Variants in MYO1D observed in about 807,000 individuals in gnomAD.
MYO1D encodes the protein unconventional myosin-Id.
Under a neutral mutation model 122.0 loss-of-function variants are expected in MYO1D, and 83 were observed. The observed-to-expected ratio is 0.68, with a 90% CI of 0.57 to 0.82. The LOEUF (loss-of-function observed/expected upper bound fraction) is 0.82, where lower values mean the gene tolerates loss of function less well. Ranked by LOEUF, MYO1D falls within the 40% of genes least tolerant of loss-of-function variation. MYO1D has a pLI of 0.00. For synonymous variants in MYO1D, 464 were observed against 446.9 expected, an observed-to-expected ratio of 1.04 and a Z score of -0.48; for missense variants, 1,157 against 1,269.5, an observed-to-expected ratio of 0.91 and a Z score of 1.35.
intron 21 of MYO1D, among the ~76,000 whole-genome samples, chr17:32,523,052 T>C (rs1910212263): frequency 6.6e-6 from 1 of 152,186 alleles, no homozygotes; most frequent in South Asian, 2.1e-4. Flanking sequence ...CCTGACCTTG[T>C]GATCTGCCCA....
intron 21 of MYO1D, among the ~76,000 whole-genome samples, chr17:32,592,166 C>T (rs950058000): frequency 5.9e-5 from 9 of 152,174 alleles, no homozygotes; most frequent in African/African-American, 2.2e-4. Context: ...AAAACCCTGA[C>T]CCAGAAGCAG....
chr17:32,691,650 G>A (rs1442921918), intron 16 of MYO1D, among the ~76,000 whole-genome samples: 5 of 151,928 alleles, frequency 3.3e-5, no homozygotes, highest in African/African-American at 4.8e-5. Context: ...CAGGTGATCC[G>A]CCCACCTTGG....
intron 20 of MYO1D, among the ~76,000 whole-genome samples, chr17:32,609,919 TAAAAATA>T (rs2087678071): frequency 6.6e-6 from 1 of 152,208 alleles, no homozygotes; most frequent in South Asian, 2.1e-4. Context: ...ATGATTAAAT[TAAAAATA>T]TCATTTTCAT....
At chr17:32,539,025 G>A (rs752911597) in intron 21 of MYO1D, among the ~76,000 whole-genome samples, 2 of 150,142 alleles carry the variant, frequency 1.3e-5, no homozygotes, top group Non-Finnish European at 3.0e-5. Flanking sequence ...CTAGGTGATA[G>A]GTTGACTGGT....
intron 16 of MYO1D, among the ~76,000 whole-genome samples, chr17:32,706,616 A>G (rs1047003308): frequency 6.6e-6 from 1 of 152,234 alleles, no homozygotes; most frequent in African/African-American, 2.4e-5. Context: ...TTTAGTGGAA[A>G]AAATAGAAAT....
intron 14 of MYO1D, among the ~76,000 whole-genome samples, chr17:32,730,072 C>T (rs1178479677): frequency 6.8e-6 from 1 of 147,070 alleles, no homozygotes; most frequent in African/African-American, 2.5e-5. Context: ...TTTGTTTCTT[C>T]TTTTTTATGT....
intron 21 of MYO1D, among the ~76,000 whole-genome samples, chr17:32,583,530 C>T (rs1597911375): frequency 6.6e-6 from 1 of 152,162 alleles, no homozygotes; most frequent in African/African-American, 2.4e-5. Context: ...TTGAAACTGT[C>T]CCACAGTTCC....
At chr17:32,873,660 G>A (rs1339261278) in intron 1 of MYO1D, among the ~76,000 whole-genome samples, 1 of 152,188 alleles carries the variant, frequency 6.6e-6, no homozygotes, top group Non-Finnish European at 1.5e-5. Context: ...AGTTTCAGAG[G>A]AGGGTAAGGG....
intron 19 of MYO1D, among the ~76,000 whole-genome samples, chr17:32,645,217 C>T (rs964686985): frequency 6.6e-6 from 1 of 152,194 alleles, no homozygotes; most frequent in Non-Finnish European, 1.5e-5. Context: ...AAATTCTTTT[C>T]TTTAAGAATG....
intron 21 of MYO1D, among the ~76,000 whole-genome samples, chr17:32,539,350 A>T (rs576628887): frequency 6.6e-6 from 1 of 152,034 alleles, no homozygotes; most frequent in South Asian, 2.1e-4. Context: ...CTTTTCATTT[A>T]AAACCCTTTC....
At chr17:32,868,717 C>T (rs541468379) in intron 1 of MYO1D, among the ~76,000 whole-genome samples, 1 of 152,166 alleles carries the variant, frequency 6.6e-6, no homozygotes, top group South Asian at 2.1e-4. Flanking sequence ...CCCTAAAAGG[C>T]GATCATTTTA....
chr17:32,672,850 T>C (rs776925063), intron 16 of MYO1D, among the ~76,000 whole-genome samples: 50 of 152,060 alleles, frequency 3.3e-4, no homozygotes, highest in Non-Finnish European at 6.8e-4. Flanking sequence ...AGTAGGTTTA[T>C]AGTATTCCAA....
At chr17:32,862,386 C>T (rs9912102) in intron 1 of MYO1D, among the ~76,000 whole-genome samples, 5,686 of 152,292 alleles carry the variant, frequency 0.037, 353 homozygotes, top group African/African-American at 0.13. Context: ...GACAACGTGG[C>T]TGCCACCATA....
At chr17:32,528,129 G>A (rs1446445494) in intron 21 of MYO1D, among the ~76,000 whole-genome samples, 2 of 152,202 alleles carry the variant, frequency 1.3e-5, no homozygotes, top group Non-Finnish European at 2.9e-5. Context: ...GAGCCACTGC[G>A]CCCGGCTGAC....
At chr17:32,748,580 C>G (rs1197422669) in intron 12 of MYO1D, among the ~76,000 whole-genome samples, 1 of 152,132 alleles carries the variant, frequency 6.6e-6, no homozygotes, top group African/African-American at 2.4e-5. Context: ...CATGCCTATA[C>G]TCTTCACTAA....
At chr17:32,796,349 A>G (rs368228193) in intron 1 of MYO1D, among the ~76,000 whole-genome samples, 5 of 152,346 alleles carry the variant, frequency 3.3e-5, no homozygotes, top group African/African-American at 1.2e-4. Context: ...GGCATTGACA[A>G]TTATATGAAT....
chr17:32,772,857 A>T lies in MYO1D; in HGVS notation c.565-15T>A. 1 of 1,611,558 alleles carries T rather than the reference A, an allele frequency of 6.2e-7. No individual in the cohort carries two copies. Among genetic ancestry groups the T allele is most frequent in the Non-Finnish European group, 8.5e-7 (1 of 1,177,796 alleles). On this transcript the variant is annotated splice_polypyrimidine_tract_variant and intron_variant, in intron 4 of 21. Transcript: ENST00000318217. ...ATCACTCGAGACTAAGAAAAAACAC[A>T]TTAAAATGGTTAACCCGAAAATGTG...
At chr17:32,619,402 C>T (rs776418863) in intron 20 of MYO1D, among the ~76,000 whole-genome samples, 3 of 152,178 alleles carry the variant, frequency 2.0e-5, no homozygotes, top group Non-Finnish European at 4.4e-5. Context: ...ACAAAGTTTA[C>T]CACACAAACT....
chr17:32,562,760 G>A (rs1442217789), intron 21 of MYO1D, among the ~76,000 whole-genome samples: 3 of 152,146 alleles, frequency 2.0e-5, no homozygotes, highest in Non-Finnish European at 4.4e-5. Context: ...GCGCCACCAT[G>A]CCCGGACAGG....
Sources: gnomAD v4.1 joint callset for allele counts (sites outside exome capture counted in the v4.1 genomes callset) on GRCh38, gnomAD v4.1.1 for gene constraint, MANE v1.5 for transcripts, NCBI Gene and HGNC (gene_info 2026-07-23, HGNC 2026-07-21) for gene names.